SPNS3: variants seen among roughly 807,000 people sequenced by gnomAD.
SPNS3 encodes the protein SPNS lysolipid transporter 3, sphingosine-1-phosphate (putative).
Under a neutral mutation model 54.4 loss-of-function variants are expected in SPNS3, and 51 were observed. The ratio of observed to expected loss-of-function variants is 0.94; its 90% CI spans 0.75 to 1.18. The LOEUF is 1.18. Among genes scored for constraint, SPNS3 ranks in the 50% most tolerant of loss-of-function variants. The pLI is 0.00. For synonymous variants in SPNS3, 309 were observed against 294.7 expected (o/e 1.05, Z -0.50); for missense variants, 669 against 677.4 (o/e 0.99, Z 0.14).
chr17:4,444,993 C>T (rs751044196), intron 2 of SPNS3, 39 bp from the exon 3 acceptor site: 20 of 1,598,974 alleles, frequency 1.3e-5, no homozygotes, highest in East Asian at 2.2e-5. Flanking sequence ...CTGCCACGGT[C>T]GTGGGGGGAT....
intron 9 of SPNS3, chr17:4,485,243 A>C (rs191113304): frequency 6.6e-6 from 1 of 152,316 alleles, no homozygotes; most frequent in African/African-American, 2.4e-5. Flanking sequence ...AACGATAATG[A>C]ATAAAACTCT....
chr17:4,451,455 A>C (rs1052794329), intron 7 of SPNS3, among the ~76,000 whole-genome samples: 3 of 152,006 alleles, frequency 2.0e-5, no homozygotes, highest in South Asian at 2.1e-4. Flanking sequence ...GAGAATTCTC[A>C]GTCATTTGTG....
At chr17:4,481,292 C>T (rs921708053) in intron 9 of SPNS3, among the ~76,000 whole-genome samples, 6 of 151,884 alleles carry the variant, frequency 4.0e-5, no homozygotes, top group Non-Finnish European at 4.4e-5. Context: ...AGTGGCCTCC[C>T]AGCAGAGCAG....
At chr17:4,465,656 G>T (rs1971657822) in intron 8 of SPNS3, among the ~76,000 whole-genome samples, 1 of 152,152 alleles carries the variant, frequency 6.6e-6, no homozygotes, top group Non-Finnish European at 1.5e-5. Flanking sequence ...GAACACAGGA[G>T]GCGGAGGTTA....
chr17:4,466,071 T>TATGGCC (rs1276606903), intron 8 of SPNS3, among the ~76,000 whole-genome samples: 1 of 152,206 alleles, frequency 6.6e-6, no homozygotes, highest in Admixed American at 6.5e-5. Flanking sequence ...GGGCCAAGCC[T>TATGGCC]ATGGCCATGG....
At chr17:4,464,142 G>A (rs1971616718) in intron 8 of SPNS3, among the ~76,000 whole-genome samples, 1 of 152,128 alleles carries the variant, frequency 6.6e-6, no homozygotes, top group Non-Finnish European at 1.5e-5. Context: ...GTCTGGTCTG[G>A]GGCCTTCCCT....
chr17:4,452,684 G>T (rs1292272479), intron 7 of SPNS3, among the ~76,000 whole-genome samples: 2 of 152,028 alleles, frequency 1.3e-5, no homozygotes, highest in African/African-American at 4.8e-5. Context: ...GGCAGTTTTG[G>T]GGGGTGAAAG....
rs561985056 is a variant in SPNS3, at chr17:4,458,015, C to T, written c.1113+4810C>T. 1.1e-3 allele frequency among the ~76,000 whole-genome samples: 165 copies of T among 152,190 alleles called. 1 individual carries two copies. The highest frequency in any genetic ancestry group is 0.01 in the Middle Eastern group (3 of 294). On this transcript the variant is annotated intron_variant, in intron 8 of 11. Transcript: ENST00000355530. ...CCTCAGAGGTGATGCCATCCCGCCCCCACCCCTTGGCTCTGTCTGTGCCTC... is the reference window on the plus strand; with the variant it reads ...CCTCAGAGGTGATGCCATCCCGCCCTCACCCCTTGGCTCTGTCTGTGCCTC...
chr17:4,451,311 G>A (rs1971158819), intron 7 of SPNS3, among the ~76,000 whole-genome samples: 1 of 151,140 alleles, frequency 6.6e-6, no homozygotes, highest in African/African-American at 2.4e-5. Context: ...GAGTGCAGTA[G>A]CACGATCTCG....
At chr17:4,466,149 C>T (rs1427044836) in intron 8 of SPNS3, among the ~76,000 whole-genome samples, 1 of 152,238 alleles carries the variant, frequency 6.6e-6, no homozygotes, top group Non-Finnish European at 1.5e-5. Context: ...GAAATCTTTC[C>T]CCAGCGCCTC....
chr17:4,482,756 T>C (rs1310364769), intron 9 of SPNS3, among the ~76,000 whole-genome samples: 1 of 152,124 alleles, frequency 6.6e-6, no homozygotes, highest in Non-Finnish European at 1.5e-5. Context: ...AACCTAGTCA[T>C]GAGGTCTTCA....
At position 4,446,048 on chromosome 17, in the gene SPNS3, T is replaced by C. The variant is rs1316130862; in HGVS notation, c.403T>C (p.Tyr135His). 6.2e-7 allele frequency: 1 copy of C among 1,603,574 alleles called. No homozygotes were observed. Among genetic ancestry groups the C allele is most frequent in the South Asian group, 1.1e-5 (1 of 90,506 alleles). The change falls in exon 4 of 12, where the codon TAT (tyrosine) becomes CAT (histidine). Residue 135 changes from tyrosine to histidine, a missense_variant and splice_region_variant. By Grantham distance (83) the Tyr-to-His change is moderately conservative. Coordinates refer to ENST00000355530, the MANE Select transcript of SPNS3 (RefSeq NM_182538.5). The part of the protein sequence containing the change: ...GLSSSFISPR[Y>H]SWLFFLSRGI... ...CGTGGTCTTGTGCCTGCTCGCCCAGTATTCTTGGCTCTTCTTCCTGTCCCG... is the reference window on the plus strand; with the variant it reads ...CGTGGTCTTGTGCCTGCTCGCCCAGCATTCTTGGCTCTTCTTCCTGTCCCG...
At position 4,448,251 on chromosome 17, in the gene SPNS3, G is replaced by A. The variant is rs562273062; in HGVS notation, c.718G>A (p.Val240Met). 5.4e-5 allele frequency: 87 copies of A among 1,598,474 alleles called. 3 individuals are homozygous for A. The highest frequency in any genetic ancestry group is 5.1e-4 in the South Asian group (45 of 88,486). ...GAAETQGEGA[V>M]GGFRSSWCED... ...TGCCGAGACACAGGGGGAGGGGGCC[G>A]TGGGAGGCTTCAGGAGCAGCTGGTG... is the stretch of plus-strand genomic sequence containing the variant. Residue 240 changes from valine to methionine, a missense_variant, in exon 6 of 12, where the codon GTG becomes ATG. Physicochemically the swap from Val to Met is conservative, Grantham distance 21 (BLOSUM62 1). Coordinates refer to ENST00000355530, the MANE Select transcript of SPNS3 (RefSeq NM_182538.5).
chr17:4,451,661 ATTTGT>A (rs149329433), intron 7 of SPNS3, among the ~76,000 whole-genome samples: 2 of 150,510 alleles, frequency 1.3e-5, no homozygotes, highest in African/African-American at 4.9e-5. Context: ...GAGCTCCTTT[ATTTGT>A]TTTGTTTTGT....
chr17:4,471,022 T>A (rs1254504393), intron 8 of SPNS3, among the ~76,000 whole-genome samples: 4 of 152,212 alleles, frequency 2.6e-5, no homozygotes, highest in African/African-American at 4.8e-5. Context: ...CCTCCCGGGT[T>A]CAAACAATTC....
intron 9 of SPNS3, chr17:4,481,886 CTT>C (rs56148743): frequency 2.3e-4 from 17 of 73,384 alleles, no homozygotes; most frequent in Non-Finnish European, 1.3e-4. Context: ...CTCTCTCTCT[CTT>C]TTTTTTTTTT....
intron 9 of SPNS3, among the ~76,000 whole-genome samples, chr17:4,484,150 C>T (rs187626972): frequency 1.8e-3 from 277 of 152,332 alleles, no homozygotes; most frequent in African/African-American, 6.0e-3. Flanking sequence ...AATCCTCTCT[C>T]AGCCCTGTTA....
intron 1 of SPNS3, among the ~76,000 whole-genome samples, chr17:4,439,130 C>CT (rs375231787): frequency 1.4e-3 from 209 of 148,754 alleles, no homozygotes; most frequent in Non-Finnish European, 1.2e-3. Context: ...CTTTTTCTTT[C>CT]TTTTTTTTTT....
chr17:4,437,861 A>C (rs1036043550), intron 1 of SPNS3, among the ~76,000 whole-genome samples: 37 of 148,688 alleles, frequency 2.5e-4, no homozygotes, highest in Non-Finnish European at 4.0e-4. Flanking sequence ...ATCTCAGCTC[A>C]CTGCAACCTC....
Sources: gnomAD v4.1 joint callset for allele counts (sites outside exome capture counted in the v4.1 genomes callset) on GRCh38, gnomAD v4.1.1 for gene constraint, MANE v1.5 for transcripts, NCBI Gene and HGNC (gene_info 2026-07-23, HGNC 2026-07-21) for gene names.